PARD3: variants seen among roughly 807,000 people sequenced by gnomAD.
PARD3 encodes par-3 family cell polarity regulator, also known as partitioning defective 3 homolog.
A neutral mutation model predicts 155.4 loss-of-function variants in PARD3; 75 were observed. The observed-to-expected ratio is 0.48, with a 90% CI of 0.40 to 0.58. PARD3 has a LOEUF of 0.58. PARD3 is among the 20% of genes least tolerant of loss of function. The probability of loss-of-function intolerance (pLI) is 0.00; values close to 1 mark genes in which losing one functional copy is unlikely to be tolerated. For synonymous variants in PARD3, 576 were observed against 610.5 expected (o/e 0.94, Z 0.83); for missense variants, 1,642 against 1,721.7 (o/e 0.95, Z 0.82).
rs146256790 is a variant in PARD3, at chr10:34,517,103, G to T, written c.279C>A (p.Ala93=). ...DPHHGGDGTS[A]SSTGTQSPEI... The stretch of plus-strand genomic sequence containing the variant: ...CTGGGCTCTGGGTACCCGTGGAACT[G>T]GCACTGGTGCCATCACCTCCGTGAT... Residue 93 remains alanine, a synonymous_variant, in exon 3 of 25, where the codon GCC becomes GCA. Transcript: ENST00000374788. 1.0e-4 allele frequency: 166 copies of T among 1,614,130 alleles called. 1 individual carries two copies. The African/African-American group carries it at 2.1e-3, about 20-fold the overall frequency.
chr10:34,303,065 G>A (rs1192163495), intron 20 of PARD3, among the ~76,000 whole-genome samples: 2 of 69,694 alleles, frequency 2.9e-5, no homozygotes, highest in East Asian at 5.9e-4. Context: ...CCAAAACCAA[G>A]TTTTAAAAAA....
At chr10:34,749,917 G>A (rs1342860975) in intron 1 of PARD3, among the ~76,000 whole-genome samples, 2 of 152,046 alleles carry the variant, frequency 1.3e-5, no homozygotes, top group East Asian at 1.9e-4. Flanking sequence ...AGCTACTCAG[G>A]AGGCTGAGGT....
In PARD3 at chr10:34,353,423, C is replaced by A. The variant is rs371053888; in HGVS notation, c.2068-5308G>T. On this transcript the variant is annotated intron_variant, in intron 14 of 24. Coordinates refer to ENST00000374788, the MANE Select transcript of PARD3 (RefSeq NM_001184785.2). ...GTTAATCTATAACCTTACCCCCAACCCCGTGCTCTCTGAAACATGTGCTGT... is the reference window on the plus strand; with the variant it reads ...GTTAATCTATAACCTTACCCCCAACACCGTGCTCTCTGAAACATGTGCTGT... Among the ~76,000 whole-genome samples, 7 of 152,140 alleles carry A rather than the reference C, an allele frequency of 4.6e-5. No individual in the cohort carries two copies. The East Asian group carries it at 5.8e-4, about 13-fold the overall frequency.
intron 2 of PARD3, among the ~76,000 whole-genome samples, chr10:34,557,569 C>T (rs542446505): frequency 6.6e-6 from 1 of 152,240 alleles, no homozygotes; most frequent in Admixed American, 6.5e-5. Context: ...ACCTCTGCCT[C>T]CCAGGTTGAA....
At chr10:34,179,621 T>G (rs981244865) in intron 22 of PARD3, among the ~76,000 whole-genome samples, 4 of 152,356 alleles carry the variant, frequency 2.6e-5, no homozygotes, top group Admixed American at 2.6e-4. Context: ...TGACTTTCTT[T>G]GCACAACTCA....
chr10:34,439,521 A>G (rs1402528213), intron 5 of PARD3, among the ~76,000 whole-genome samples: 1 of 152,034 alleles, frequency 6.6e-6, no homozygotes, highest in South Asian at 2.1e-4. Context: ...GCAGTGGTGC[A>G]ATCTTGGCTT....
intron 1 of PARD3, among the ~76,000 whole-genome samples, chr10:34,749,069 G>T (rs1306209876): frequency 1.3e-5 from 2 of 152,132 alleles, no homozygotes; most frequent in African/African-American, 2.4e-5. Flanking sequence ...CACTAGATTT[G>T]TCCATTATGT....
chr10:34,148,458 T>G (rs1227214072), intron 22 of PARD3, among the ~76,000 whole-genome samples: 1 of 152,232 alleles, frequency 6.6e-6, no homozygotes, highest in South Asian at 2.1e-4. Context: ...ACATTTTGTT[T>G]TGACATTATG....
At chr10:34,588,485 G>A (rs1030864320) in intron 2 of PARD3, among the ~76,000 whole-genome samples, 3 of 152,056 alleles carry the variant, frequency 2.0e-5, no homozygotes, top group Non-Finnish European at 2.9e-5. Context: ...TTAATCACCC[G>A]GCGCTTCAAG....
At chr10:34,657,587 G>A (rs2093208496) in intron 2 of PARD3, among the ~76,000 whole-genome samples, 1 of 152,100 alleles carries the variant, frequency 6.6e-6, no homozygotes, top group Admixed American at 6.5e-5. Flanking sequence ...TGCCCAGACT[G>A]GAGTACAGTG....
intron 2 of PARD3, among the ~76,000 whole-genome samples, chr10:34,525,284 C>G (rs1006546033): frequency 6.6e-6 from 1 of 152,230 alleles, no homozygotes; most frequent in African/African-American, 2.4e-5. Context: ...AGGGTATATA[C>G]TGTCTGATAA....
At chr10:34,641,739 C>A (rs1445759151) in intron 2 of PARD3, among the ~76,000 whole-genome samples, 3 of 152,196 alleles carry the variant, frequency 2.0e-5, no homozygotes, top group Non-Finnish European at 2.9e-5. Flanking sequence ...TGCCCCCATT[C>A]GTGAAATGGG....
chr10:34,801,895 T>C lies in PARD3; in HGVS notation c.120+12981A>G, dbSNP rs139950240. ...CAGATTATCTATTTGAGCTCCAGGG[T>C]ATTCTCAGAACTATTACTAGTTAAT... is the stretch of plus-strand genomic sequence containing the variant. On this transcript the variant is annotated intron_variant, in intron 1 of 24. Transcript: ENST00000374788. 1.1e-3 allele frequency among the ~76,000 whole-genome samples: 169 copies of C among 152,328 alleles called. 1 individual carries two copies. In the East Asian group the frequency reaches 0.022, roughly 20 times the overall value.
At chr10:34,575,429 T>A (rs1455580967) in intron 2 of PARD3, among the ~76,000 whole-genome samples, 1 of 152,138 alleles carries the variant, frequency 6.6e-6, no homozygotes, top group South Asian at 2.1e-4. Flanking sequence ...TTGGAAAAAT[T>A]TGGTAGACAC....
At chr10:34,564,919 T>C (rs546695934) in intron 2 of PARD3, among the ~76,000 whole-genome samples, 2 of 152,270 alleles carry the variant, frequency 1.3e-5, no homozygotes, top group South Asian at 2.1e-4. Flanking sequence ...AACTTTACAA[T>C]GTAGGTACAT....
At chr10:34,265,211 C>G (rs1039612923) in intron 22 of PARD3, among the ~76,000 whole-genome samples, 13 of 152,180 alleles carry the variant, frequency 8.5e-5, no homozygotes, top group Admixed American at 8.5e-4. Context: ...GCCTACAGTT[C>G]ATGTTATAAT....
intron 5 of PARD3, among the ~76,000 whole-genome samples, chr10:34,428,952 T>C (rs1000875462): frequency 2.0e-5 from 3 of 151,974 alleles, no homozygotes; most frequent in Non-Finnish European, 4.4e-5. Context: ...AGACTGGAGG[T>C]AGTAAAGAAA....
In PARD3 at chr10:34,626,385, TTC is replaced by T. The variant is rs141461060; in HGVS notation, c.222+69931_222+69932del. On this transcript the variant is annotated intron_variant, in intron 2 of 24. Coordinates refer to ENST00000374788, the MANE Select transcript of PARD3 (RefSeq NM_001184785.2). ...TCTGTGTGTGAAGTGTCTTATCTGT[TTC>T]TCTCTCTCTCTTTCTTTCTTTCTGA... Among the ~76,000 whole-genome samples the T allele has an allele frequency of 3.2e-3, 480 of 152,250 alleles. 2 individuals carry two copies. Among genetic ancestry groups the T allele is most frequent in the African/African-American group, 0.011 (452 of 41,542 alleles).
At chr10:34,671,227 G>A (rs2093605054) in intron 2 of PARD3, among the ~76,000 whole-genome samples, 2 of 152,224 alleles carry the variant, frequency 1.3e-5, no homozygotes, top group African/African-American at 4.8e-5. Context: ...TGGAAGTGGA[G>A]AAGCATTATA....
Sources: allele counts gnomAD v4.1 joint callset (sites outside exome capture counted in the v4.1 genomes callset), GRCh38; gene constraint gnomAD v4.1.1; transcripts MANE v1.5; gene names NCBI Gene and HGNC (gene_info 2026-07-23, HGNC 2026-07-21).